Variants in HMGCLL1 observed in about 807,000 individuals in gnomAD.
HMGCLL1 encodes the protein 3-hydroxy-3-methylglutaryl-CoA lyase like 1.
Under a neutral mutation model 39.1 loss-of-function variants are expected in HMGCLL1, and 36 were observed. The observed-to-expected ratio is 0.92, with a 90% CI of 0.71 to 1.22. The LOEUF (loss-of-function observed/expected upper bound fraction) is 1.22. Ranked by LOEUF, HMGCLL1 falls within the 50% of genes most tolerant of loss-of-function variation. HMGCLL1 has a pLI of 0.00. For synonymous variants in HMGCLL1, 149 were observed against 144.0 expected, an observed-to-expected ratio of 1.03 and a Z score of -0.25; for missense variants, 451 against 416.5, an observed-to-expected ratio of 1.08 and a Z score of -0.72.
At chr6:55,583,068 T>C (rs181692820), upstream of HMGCLL1, among the ~76,000 whole-genome samples, 25 of 152,280 alleles carry the variant, frequency 1.6e-4, no homozygotes, top group Admixed American at 1.6e-3. Flanking sequence ...TCTGTTTCTG[T>C]CAATTTCTCT....
At chr6:55,659,616 G>A in the HMGCLL1 span, among the ~76,000 whole-genome samples, 5 of 151,940 alleles carry the variant, frequency 3.3e-5, no homozygotes, top group South Asian at 4.1e-4. Flanking sequence ...TTCAAGAGAC[G>A]TATGTGAAGT....
chr6:55,577,209 T>C, intron 1 of HMGCLL1: 1 of 1,542,264 alleles, frequency 6.5e-7, no homozygotes. Context: ...CAGATGTTAG[T>C]GCTGCTGTGA....
chr6:55,608,780 G>A, the HMGCLL1 span, among the ~76,000 whole-genome samples: 3 of 152,158 alleles, frequency 2.0e-5, no homozygotes, highest in Admixed American at 2.0e-4. Flanking sequence ...ACGAATACTG[G>A]GCGAAGCCAA....
At chr6:55,605,119 A>C in the HMGCLL1 span, among the ~76,000 whole-genome samples, 1 of 152,212 alleles carries the variant, frequency 6.6e-6, no homozygotes, top group African/African-American at 2.4e-5. Context: ...CAGTACTTAC[A>C]AGGACTGCCT....
At chr6:55,448,851 C>G (rs1412395297) in intron 7 of HMGCLL1, among the ~76,000 whole-genome samples, 1 of 152,150 alleles carries the variant, frequency 6.6e-6, no homozygotes, top group Non-Finnish European at 1.5e-5. Context: ...TATGCCAATA[C>G]TACTGGCCCC....
At chr6:55,572,246 A>G (rs959123555) in intron 1 of HMGCLL1, among the ~76,000 whole-genome samples, 4 of 152,158 alleles carry the variant, frequency 2.6e-5, no homozygotes, top group Admixed American at 6.5e-5. Context: ...ATTGAAAAGA[A>G]AGGTAAATAA....
the HMGCLL1 span, among the ~76,000 whole-genome samples, chr6:55,635,891 C>T: frequency 1.3e-5 from 2 of 152,104 alleles, no homozygotes; most frequent in African/African-American, 2.4e-5. Context: ...CACTTGGTAG[C>T]GGCCATGAGA....
chr6:55,568,640 G>A (rs1771328093), intron 1 of HMGCLL1, among the ~76,000 whole-genome samples: 2 of 152,158 alleles, frequency 1.3e-5, no homozygotes, highest in East Asian at 3.9e-4. Context: ...CAGAACAGTG[G>A]TGGGAAACTG....
At chr6:55,503,354 T>C (rs185234805) in intron 5 of HMGCLL1, among the ~76,000 whole-genome samples, 5 of 151,884 alleles carry the variant, frequency 3.3e-5, no homozygotes, top group Admixed American at 3.3e-4. Flanking sequence ...CATTGAATTT[T>C]TTCCCATGTA....
intron 3 of HMGCLL1, among the ~76,000 whole-genome samples, chr6:55,532,092 A>G (rs779164889): frequency 2.6e-5 from 4 of 152,136 alleles, no homozygotes; most frequent in Admixed American, 6.5e-5. Flanking sequence ...GGGACCTCTG[A>G]AGTAGAATAT....
At chr6:55,625,830 G>A in the HMGCLL1 span, among the ~76,000 whole-genome samples, 1 of 152,144 alleles carries the variant, frequency 6.6e-6, no homozygotes, top group African/African-American at 2.4e-5. Context: ...GAAGATAATT[G>A]TATCTCATGT....
At chr6:55,619,805 C>T in the HMGCLL1 span, among the ~76,000 whole-genome samples, 2 of 152,054 alleles carry the variant, frequency 1.3e-5, no homozygotes, top group African/African-American at 4.8e-5. Context: ...TTCTATTTAA[C>T]TATATTTAGG....
chr6:55,615,871 G>C, the HMGCLL1 span, among the ~76,000 whole-genome samples: 1 of 152,048 alleles, frequency 6.6e-6, no homozygotes, highest in African/African-American at 2.4e-5. Context: ...GCAAAGATGA[G>C]TGTAGAGTAC....
intron 5 of HMGCLL1, among the ~76,000 whole-genome samples, chr6:55,509,963 A>C (rs2127433633): frequency 6.6e-6 from 1 of 152,072 alleles, no homozygotes; most frequent in African/African-American, 2.4e-5. Context: ...TTATTTAAAA[A>C]ATTATGACTA....
At chr6:55,588,044 T>C in the HMGCLL1 span, among the ~76,000 whole-genome samples, 23 of 152,088 alleles carry the variant, frequency 1.5e-4, no homozygotes, top group African/African-American at 5.1e-4. Flanking sequence ...CAGCTCTGCA[T>C]CAAGTGGACC....
At chr6:55,546,849 C>A (rs755050131) in intron 1 of HMGCLL1, among the ~76,000 whole-genome samples, 2 of 151,722 alleles carry the variant, frequency 1.3e-5, no homozygotes, top group African/African-American at 4.8e-5. Context: ...ATGATACTAG[C>A]GAAAAAACAA....
intron 3 of HMGCLL1, among the ~76,000 whole-genome samples, chr6:55,517,416 G>A (rs1219936440): frequency 1.3e-5 from 2 of 151,830 alleles, no homozygotes; most frequent in Non-Finnish European, 2.9e-5. Flanking sequence ...ATAAATTGTG[G>A]CATGAACAAT....
At chr6:55,451,926 G>T (rs1764106669) in intron 7 of HMGCLL1, among the ~76,000 whole-genome samples, 1 of 152,168 alleles carries the variant, frequency 6.6e-6, no homozygotes, top group Admixed American at 6.5e-5. Context: ...TTAGCTTCAT[G>T]ATGTCTGGAA....
At chr6:55,444,635 A>T (rs1763737508) in intron 7 of HMGCLL1, among the ~76,000 whole-genome samples, 1 of 152,150 alleles carries the variant, frequency 6.6e-6, no homozygotes, top group East Asian at 1.9e-4. Context: ...TGCTAATGGT[A>T]ATGATCATGG....
Sources: gnomAD v4.1 joint callset for allele counts (sites outside exome capture counted in the v4.1 genomes callset) on GRCh38, gnomAD v4.1.1 for gene constraint, MANE v1.5 for transcripts, NCBI Gene and HGNC (gene_info 2026-07-23, HGNC 2026-07-21) for gene names.